SH3BP5: variants seen among roughly 807,000 people sequenced by gnomAD.
SH3BP5 encodes the protein SH3 domain binding protein 5, also known as SH3 domain-binding protein 5.
SH3BP5 carries 22 observed loss-of-function variants against 43.3 expected under a neutral mutation model. That is an observed-to-expected ratio of 0.51 (90% CI 0.36 to 0.73). SH3BP5 has a LOEUF of 0.73. Ranked by LOEUF, SH3BP5 falls within the 30% of genes least tolerant of loss-of-function variation. SH3BP5 has a pLI of 0.00. For synonymous variants in SH3BP5, 255 were observed against 225.8 expected, an observed-to-expected ratio of 1.13 and a Z score of -1.16; for missense variants, 529 against 586.9, an observed-to-expected ratio of 0.90 and a Z score of 1.02.
intron 3 of SH3BP5, among the ~76,000 whole-genome samples, chr3:15,288,009 C>T (rs530012843): frequency 1.3e-5 from 2 of 152,284 alleles, no homozygotes; most frequent in South Asian, 2.1e-4. Flanking sequence ...GGAACTGGCT[C>T]GTGCAATTAT....
At chr3:15,294,347 G>A (rs983817778) in intron 3 of SH3BP5, among the ~76,000 whole-genome samples, 27 of 149,836 alleles carry the variant, frequency 1.8e-4, no homozygotes, top group Admixed American at 2.7e-4. Flanking sequence ...GCATGTTTAC[G>A]TAACTCCCCC....
intron 3 of SH3BP5, among the ~76,000 whole-genome samples, chr3:15,276,952 ATTT>A (rs542303924): frequency 6.8e-6 from 1 of 147,852 alleles, no homozygotes; most frequent in Non-Finnish European, 1.5e-5. Flanking sequence ...TTCATTCTAA[ATTT>A]TTTTTTTTTC....
At chr3:15,305,499 G>A (rs531859454) in intron 2 of SH3BP5, among the ~76,000 whole-genome samples, 5 of 152,364 alleles carry the variant, frequency 3.3e-5, no homozygotes, top group South Asian at 4.1e-4. Context: ...GTGCCAGGGT[G>A]GGAATGGTCC....
At chr3:15,273,361 C>T in intron 3 of SH3BP5, 1 of 985,386 alleles carries the variant, frequency 1.0e-6, no homozygotes, top group Non-Finnish European at 1.2e-6. Context: ...CTCTTCACAC[C>T]CTCTGCCATG....
chr3:15,273,384 T>C (rs1696871903), intron 3 of SH3BP5: 1 of 985,338 alleles, frequency 1.0e-6, no homozygotes, highest in African/African-American at 1.7e-5. Flanking sequence ...TCTGATGAGT[T>C]CCAAATAAGA....
chr3:15,272,449 C>T (rs1052987784), intron 3 of SH3BP5, among the ~76,000 whole-genome samples: 8 of 152,096 alleles, frequency 5.3e-5, no homozygotes, highest in African/African-American at 1.2e-4. Flanking sequence ...AGGAGGATCC[C>T]GAACTCAGGA....
intron 2 of SH3BP5, among the ~76,000 whole-genome samples, chr3:15,324,235 G>A (rs1698404291): frequency 6.6e-6 from 1 of 152,088 alleles, no homozygotes; most frequent in Non-Finnish European, 1.5e-5. Context: ...GACTATCTGG[G>A]GTCTGCAGGC....
At chr3:15,302,235 G>C (rs1346778044) in intron 3 of SH3BP5, among the ~76,000 whole-genome samples, 1 of 152,136 alleles carries the variant, frequency 6.6e-6, no homozygotes, top group African/African-American at 2.4e-5. Flanking sequence ...ACTTTGGAGG[G>C]GGAATGCCTC....
intron 3 of SH3BP5, among the ~76,000 whole-genome samples, chr3:15,293,559 G>C (rs982932433): frequency 6.6e-6 from 1 of 152,204 alleles, no homozygotes; most frequent in Non-Finnish European, 1.5e-5. Flanking sequence ...GGAAATAACT[G>C]CACCAATGAG....
chr3:15,299,112 C>T (rs1697658038), intron 3 of SH3BP5, among the ~76,000 whole-genome samples: 1 of 152,162 alleles, frequency 6.6e-6, no homozygotes, highest in Non-Finnish European at 1.5e-5. Context: ...CAGTCAGCAC[C>T]CAGGGAGCCA....
intron 4 of SH3BP5, among the ~76,000 whole-genome samples, chr3:15,268,542 C>A (rs543368193): frequency 6.6e-6 from 1 of 152,234 alleles, no homozygotes; most frequent in Non-Finnish European, 1.5e-5. Context: ...CAGAGGGGCA[C>A]AATGGACCCA....
chr3:15,310,228 C>T (rs1331460740), intron 2 of SH3BP5, among the ~76,000 whole-genome samples: 1 of 152,172 alleles, frequency 6.6e-6, no homozygotes, highest in African/African-American at 2.4e-5. Context: ...ATTTCTTCCA[C>T]TTGAGATGTT....
intron 2 of SH3BP5, among the ~76,000 whole-genome samples, chr3:15,327,408 A>C (rs371619040): frequency 2.6e-4 from 39 of 152,136 alleles, no homozygotes; most frequent in African/African-American, 6.0e-4. Flanking sequence ...TCAGGAAAAA[A>C]AAAACAAAAC....
At chr3:15,297,973 CTT>C (rs57568903) in intron 3 of SH3BP5, among the ~76,000 whole-genome samples, 52 of 134,756 alleles carry the variant, frequency 3.9e-4, no homozygotes, top group Admixed American at 4.5e-4. Context: ...TTTTCTTTTT[CTT>C]TTTTTTTTTT....
At chr3:15,270,817 T>C (rs752781731) in intron 3 of SH3BP5, among the ~76,000 whole-genome samples, 1 of 151,376 alleles carries the variant, frequency 6.6e-6, no homozygotes, top group Non-Finnish European at 1.5e-5. Context: ...TCCCAGCTAC[T>C]TGGGAGGCTG....
rs543412076 is a variant in SH3BP5 at position 15,325,394 on chromosome 3, C to T, written c.201+5110G>A. Among the ~76,000 whole-genome samples, 3 of 152,348 alleles carry T rather than the reference C, an allele frequency of 2.0e-5. No homozygotes were observed. In the South Asian group the frequency reaches 6.2e-4, roughly 32 times the overall value. ...ACAAGGCCCCCTTGCTGGCCCTCAG[C>T]TAAGCCAGGCTTAGCCCTGATGCGC... On this transcript the variant is annotated intron_variant, in intron 2 of 8. Coordinates refer to ENST00000383791, the MANE Select transcript of SH3BP5 (RefSeq NM_004844.5).
At chr3:15,259,412 T>G (rs772493587) in intron 6 of SH3BP5, 7 of 515,314 alleles carry the variant, frequency 1.4e-5, no homozygotes, top group Non-Finnish European at 2.5e-5. Flanking sequence ...CCTTGGGTGT[T>G]AAGACTCAGC....
At chr3:15,266,202 C>T in intron 4 of SH3BP5, among the ~76,000 whole-genome samples, 1 of 152,232 alleles carries the variant, frequency 6.6e-6, no homozygotes, top group Middle Eastern at 3.2e-3. Context: ...TTTCCTGATT[C>T]TTACTGCGTC....
At position 15,256,887 on chromosome 3, in the gene SH3BP5, G is replaced by A. The variant is rs750142068; in HGVS notation, c.1116C>T (p.Ser372=). The A allele has an allele frequency of 9.9e-6, 16 of 1,613,212 alleles. No homozygotes were observed. Among genetic ancestry groups the A allele is most frequent in the Admixed American group, 3.3e-5 (2 of 59,952 alleles). ...FPVLGPRSEC[S]GASSPECEVE... is the part of the protein sequence containing the mutation. ...CTTCACATTCAGGGGAGGAGGCCCC[G>A]CTGCATTCACTTCGAGGGCCCAACA... Residue 372 remains serine, a synonymous_variant, in exon 8 of 9, where the codon AGC becomes AGT. Transcript: ENST00000383791.
Sources: allele counts gnomAD v4.1 joint callset (sites outside exome capture counted in the v4.1 genomes callset), GRCh38; gene constraint gnomAD v4.1.1; transcripts MANE v1.5; gene names NCBI Gene and HGNC (gene_info 2026-07-23, HGNC 2026-07-21).